The following TP63 variants were observed in gnomAD, a reference collection of about 807,000 sequenced individuals.
TP63 encodes the protein tumor protein p63, also known as tumor protein 63.
A neutral mutation model predicts 82.8 loss-of-function variants in TP63; 17 were observed. That is an observed-to-expected ratio of 0.21 (90% CI 0.14 to 0.31). The LOEUF (loss-of-function observed/expected upper bound fraction) is 0.31, where lower values mean the gene tolerates loss of function less well. Ranked by LOEUF, TP63 falls within the 10% of genes least tolerant of loss-of-function variation. TP63 has a pLI of 1.00. For missense variants in TP63, 648 were observed against 895.3 expected (o/e 0.72, Z 3.52); for synonymous variants, 330 against 321.7 (o/e 1.03, Z -0.28).
intron 3 of TP63, among the ~76,000 whole-genome samples, chr3:189,749,184 T>C (rs1211463273): frequency 1.3e-5 from 2 of 151,654 alleles, no homozygotes; most frequent in African/African-American, 4.8e-5. Flanking sequence ...CTATTTAAAC[T>C]AAAAATGGGG....
chr3:189,856,343 T>C (rs943409046), intron 4 of TP63, among the ~76,000 whole-genome samples: 1 of 151,786 alleles, frequency 6.6e-6, no homozygotes, highest in Non-Finnish European at 1.5e-5. Context: ...GCTTCACATA[T>C]GACTCAGTAT....
At chr3:189,683,336 G>T (rs1241618871) in intron 1 of TP63, among the ~76,000 whole-genome samples, 1 of 152,118 alleles carries the variant, frequency 6.6e-6, no homozygotes. Context: ...CAAAACATAT[G>T]TTGCCCAAGG....
At chr3:189,836,170 G>C (rs550425087) in intron 4 of TP63, among the ~76,000 whole-genome samples, 1 of 152,060 alleles carries the variant, frequency 6.6e-6, no homozygotes, top group Non-Finnish European at 1.5e-5. Flanking sequence ...TTTGGAAGAA[G>C]AGATTGTTTT....
chr3:189,825,756 A>G (rs1273867263), intron 4 of TP63, among the ~76,000 whole-genome samples: 2 of 152,214 alleles, frequency 1.3e-5, no homozygotes, highest in Non-Finnish European at 2.9e-5. Flanking sequence ...GCCATTGCTT[A>G]TGTAGTGCTA....
At chr3:189,744,248 G>A (rs1482474796) in intron 3 of TP63, among the ~76,000 whole-genome samples, 4 of 152,188 alleles carry the variant, frequency 2.6e-5, no homozygotes, top group African/African-American at 4.8e-5. Flanking sequence ...CGCAGCTGCT[G>A]TCACTGTGGT....
intron 4 of TP63, among the ~76,000 whole-genome samples, chr3:189,812,142 T>A (rs1481782814): frequency 3.9e-5 from 6 of 152,218 alleles, no homozygotes; most frequent in Admixed American, 3.9e-4. Flanking sequence ...AATCCTTTTA[T>A]GTCAAGTTTT....
the TP63 span, among the ~76,000 whole-genome samples, chr3:189,596,780 A>G: frequency 6.6e-6 from 1 of 152,124 alleles, no homozygotes; most frequent in African/African-American, 2.4e-5. Context: ...ACACTGTGGA[A>G]GCTTTGTTCT....
chr3:189,826,997 C>G (rs1560225769), intron 4 of TP63, among the ~76,000 whole-genome samples: 1 of 152,164 alleles, frequency 6.6e-6, no homozygotes, highest in Non-Finnish European at 1.5e-5. Flanking sequence ...ACTCAATTTT[C>G]TCTTCTGTGA....
chr3:189,633,399 G>A (rs1193455172), intron 1 of TP63, among the ~76,000 whole-genome samples: 2 of 151,878 alleles, frequency 1.3e-5, no homozygotes, highest in Non-Finnish European at 2.9e-5. Context: ...CCCTCTGAAA[G>A]GCCCCAGCGT....
At position 189,868,241 on chromosome 3, in the gene TP63, T is replaced by G. The variant is rs1399773; in HGVS notation, c.992+299T>G. 0.46 allele frequency among the ~76,000 whole-genome samples: 69,904 copies of G among 151,774 alleles called. 17,486 individuals are homozygous for G. The highest frequency in any genetic ancestry group is 0.67 in the African/African-American group (27,712 of 41,436). ...CCATGGTCCTCAAGGCATTTCACAGTTTTTTTTAAGTCTGCGCTGCCTTAG... is the reference window on the plus strand; with the variant it reads ...CCATGGTCCTCAAGGCATTTCACAGGTTTTTTTAAGTCTGCGCTGCCTTAG... On this transcript the variant is annotated intron_variant, in intron 7 of 13. Coordinates refer to ENST00000264731, the MANE Select transcript of TP63 (RefSeq NM_003722.5).
chr3:189,641,028 A>G (rs554821186), intron 1 of TP63, among the ~76,000 whole-genome samples: 2 of 152,284 alleles, frequency 1.3e-5, no homozygotes, highest in African/African-American at 4.8e-5. Flanking sequence ...AGTACATTTA[A>G]GAAGATTTGT....
chr3:189,860,010 C>G (rs79479990), intron 4 of TP63, among the ~76,000 whole-genome samples: 21,273 of 152,026 alleles, frequency 0.14, 1,852 homozygotes, highest in South Asian at 0.22. Context: ...ATAATTGGAA[C>G]AGGAATGGAA....
intron 3 of TP63, among the ~76,000 whole-genome samples, chr3:189,778,437 A>G (rs1373022439): frequency 6.6e-6 from 1 of 152,200 alleles, no homozygotes; most frequent in Non-Finnish European, 1.5e-5. Context: ...AAGAGGATGA[A>G]AAACTCAAAT....
At chr3:189,873,150 C>A in intron 10 of TP63, 155 bp downstream of exon 10, 1 of 1,115,794 alleles carries the variant, frequency 9.0e-7, no homozygotes, top group Non-Finnish European at 1.4e-6. Context: ...CTTTCAGTTG[C>A]AACCTTTTTT....
At chr3:189,675,935 G>C (rs1715352514) in intron 1 of TP63, among the ~76,000 whole-genome samples, 1 of 151,992 alleles carries the variant, frequency 6.6e-6, no homozygotes, top group South Asian at 2.1e-4. Context: ...TTTTCCAGTA[G>C]AGCCAGAAAC....
chr3:189,880,882 T>C (rs1318794211), intron 10 of TP63: 2 of 985,268 alleles, frequency 2.0e-6, no homozygotes, highest in Non-Finnish European at 2.4e-6. Context: ...TATGTTGGCA[T>C]CTGTTATGCT....
intron 3 of TP63, among the ~76,000 whole-genome samples, chr3:189,793,737 A>T (rs1401137697): frequency 1.3e-5 from 2 of 152,066 alleles, no homozygotes; most frequent in Non-Finnish European, 1.5e-5. Context: ...AATACAGGTA[A>T]CAAAAAGATA....
At chr3:189,676,521 A>G (rs1390309383) in intron 1 of TP63, among the ~76,000 whole-genome samples, 2 of 151,850 alleles carry the variant, frequency 1.3e-5, no homozygotes, top group Non-Finnish European at 2.9e-5. Flanking sequence ...TTCAATATGT[A>G]TTTGTATTAT....
intron 4 of TP63, among the ~76,000 whole-genome samples, chr3:189,810,170 T>C (rs775465462): frequency 1.3e-5 from 2 of 152,216 alleles, no homozygotes; most frequent in Non-Finnish European, 2.9e-5. Flanking sequence ...CCTTTACTTT[T>C]ATAATTCTGG....
Sources: gnomAD v4.1 joint callset for allele counts (sites outside exome capture counted in the v4.1 genomes callset) on GRCh38, gnomAD v4.1.1 for gene constraint, MANE v1.5 for transcripts, NCBI Gene and HGNC (gene_info 2026-07-23, HGNC 2026-07-21) for gene names.